CUL3: variants seen among roughly 807,000 people sequenced by gnomAD.
CUL3 encodes cullin 3.
CUL3 carries 19 observed loss-of-function variants against 89.1 expected under a neutral mutation model. The observed-to-expected ratio is 0.21, with a 90% CI of 0.15 to 0.31. The LOEUF (loss-of-function observed/expected upper bound fraction) is 0.31, where lower values mean the gene tolerates loss of function less well. Ranked by LOEUF, CUL3 falls within the 10% of genes least tolerant of loss-of-function variation. The pLI is 1.00. For missense variants in CUL3, 469 were observed against 942.3 expected (o/e 0.50, Z 6.58); for synonymous variants, 351 against 308.4 (o/e 1.14, Z -1.45).
At chr2:224,576,586 T>A (rs1389095854) in intron 1 of CUL3, among the ~76,000 whole-genome samples, 1 of 144,648 alleles carries the variant, frequency 6.9e-6, no homozygotes. Flanking sequence ...AATCATTCAC[T>A]AACCACTCAC....
chr2:224,549,878 G>GCA (rs925475521), intron 2 of CUL3, among the ~76,000 whole-genome samples: 25 of 150,638 alleles, frequency 1.7e-4, no homozygotes, highest in Non-Finnish European at 2.2e-4. Flanking sequence ...ACACACACAC[G>GCA]CACACACACA....
chr2:224,503,142 T>G, intron 9 of CUL3, 70 bp from the exon 10 acceptor site: 3 of 1,009,726 alleles, frequency 3.0e-6, no homozygotes, highest in South Asian at 1.4e-5. Flanking sequence ...CAGAAAGAAA[T>G]AAATTATTTC....
At chr2:224,483,270 C>T (rs535874210) in intron 13 of CUL3, among the ~76,000 whole-genome samples, 2 of 152,048 alleles carry the variant, frequency 1.3e-5, no homozygotes, top group East Asian at 3.9e-4. Flanking sequence ...ACCAGAAATA[C>T]CTTAGGTGGT....
At position 224,478,364 on chromosome 2, in the gene CUL3, C is replaced by T. The variant is rs1296031778; in HGVS notation, c.2030-19G>A. 1.9e-6 allele frequency: 3 copies of T among 1,592,392 alleles called. No homozygotes were observed. Among genetic ancestry groups the T allele is most frequent in the Non-Finnish European group, 2.6e-6 (3 of 1,172,348 alleles). Reference sequence around the variant, plus strand: ...GCAGCAACTAAAATAGAAATAAAGACATTTATCATAAATCTAATTTTAAAA... The same window carrying T: ...GCAGCAACTAAAATAGAAATAAAGATATTTATCATAAATCTAATTTTAAAA... On this transcript the variant is annotated intron_variant, in intron 14 of 15. Transcript: ENST00000264414.
At chr2:224,526,295 G>A (rs1209915208) in intron 3 of CUL3, among the ~76,000 whole-genome samples, 4 of 152,134 alleles carry the variant, frequency 2.6e-5, no homozygotes, top group African/African-American at 9.7e-5. Flanking sequence ...AAGATGTGAT[G>A]TATTTCCGGG....
chr2:224,541,334 A>G (rs915878153), intron 2 of CUL3, among the ~76,000 whole-genome samples: 1 of 152,210 alleles, frequency 6.6e-6, no homozygotes, highest in South Asian at 2.1e-4. Flanking sequence ...TTTGTACATG[A>G]ACAGATGTTC....
At chr2:224,507,557 A>G (rs1388896118) in intron 6 of CUL3, among the ~76,000 whole-genome samples, 2 of 152,198 alleles carry the variant, frequency 1.3e-5, no homozygotes, top group East Asian at 3.8e-4. Context: ...CACCTCAGGT[A>G]AAGTTTTTAT....
At chr2:224,501,833 C>T (rs2106192208) in intron 10 of CUL3, among the ~76,000 whole-genome samples, 1 of 152,036 alleles carries the variant, frequency 6.6e-6, no homozygotes, top group Non-Finnish European at 1.5e-5. Flanking sequence ...CCCAATCTTC[C>T]CTATAGCTTT....
At position 224,534,380 on chromosome 2, in the gene CUL3, T is replaced by C. The variant is rs78761202; in HGVS notation, c.378+1148A>G. ...TCCTTAAACAAGACTAGCTGCAATATTGCACTGCAATAATATACTATTAAG... is the reference window on the plus strand; with the variant it reads ...TCCTTAAACAAGACTAGCTGCAATACTGCACTGCAATAATATACTATTAAG... On this transcript the variant is annotated intron_variant, in intron 3 of 15. Coordinates refer to ENST00000264414, the MANE Select transcript of CUL3 (RefSeq NM_003590.5). 6.7e-3 allele frequency among the ~76,000 whole-genome samples: 1,027 copies of C among 152,308 alleles called. 9 individuals carry two copies. The highest frequency in any genetic ancestry group is 0.015 in the Admixed American group (230 of 15,290).
At chr2:224,575,717 G>C (rs1695283263) in intron 1 of CUL3, among the ~76,000 whole-genome samples, 1 of 152,090 alleles carries the variant, frequency 6.6e-6, no homozygotes, top group African/African-American at 2.4e-5. Flanking sequence ...TTGCAAAAGA[G>C]GGAACAGACA....
At chr2:224,487,190 T>C (rs1315064417) in intron 13 of CUL3, among the ~76,000 whole-genome samples, 1 of 152,112 alleles carries the variant, frequency 6.6e-6, no homozygotes, top group Non-Finnish European at 1.5e-5. Context: ...CTATTGACAC[T>C]ATGAAGAAAC....
chr2:224,513,939 C>A (rs1474306988), intron 4 of CUL3, among the ~76,000 whole-genome samples: 1 of 152,170 alleles, frequency 6.6e-6, no homozygotes, highest in Non-Finnish European at 1.5e-5. Flanking sequence ...GGGAGATAGG[C>A]AGATTAAGCT....
At chr2:224,556,808 AT>A (rs1694724210) in intron 2 of CUL3, among the ~76,000 whole-genome samples, 1 of 152,148 alleles carries the variant, frequency 6.6e-6, no homozygotes, top group Non-Finnish European at 1.5e-5. Context: ...TTCAGCAATA[AT>A]AATATTGGTA....
intron 10 of CUL3, among the ~76,000 whole-genome samples, chr2:224,501,251 T>C (rs1203379351): frequency 6.6e-6 from 1 of 152,238 alleles, no homozygotes; most frequent in African/African-American, 2.4e-5. Context: ...TTAAAACTTT[T>C]ACGTTTTAGC....
At position 224,511,424 on chromosome 2, in the gene CUL3, C is replaced by T. The variant is rs1692822064; in HGVS notation, c.813G>A (p.Lys271=). The T allele has an allele frequency of 6.2e-7, 1 of 1,613,756 alleles. No individual in the cohort carries two copies. The highest frequency in any genetic ancestry group is 8.5e-7 in the Non-Finnish European group (1 of 1,179,878). ...VKVVERELIS[K]HMKTIVEMEN... is the part of the protein sequence containing the mutation. ...CCATTTCTACTATAGTCTTCATGTGCTTGGAAATGAGTTCCCTTTCAACCA... is the reference window on the plus strand; with the variant it reads ...CCATTTCTACTATAGTCTTCATGTGTTTGGAAATGAGTTCCCTTTCAACCA... The change falls in exon 6 of 16, where the codon AAG becomes AAA. Residue 271 remains lysine (K), a synonymous_variant. Coordinates refer to ENST00000264414, the MANE Select transcript of CUL3 (RefSeq NM_003590.5).
rs1378157826 is a variant in CUL3, at chr2:224,497,716, T to G, written c.1707+37A>C. 4.0e-6 allele frequency: 6 copies of G among 1,501,148 alleles called. No individual in the cohort carries two copies. The African/African-American group carries it at 6.9e-5, about 17-fold the overall frequency. The allele number at this position is 1,501,148 out of a possible 1,614,324, so 93.0% of individuals were successfully genotyped here. ...ACACATCAGCTCTAATAGACTAACT[T>G]TAAGTTACTTAATACGTTCAAACTA... On this transcript the variant is annotated intron_variant, in intron 12 of 15. Coordinates refer to ENST00000264414, the MANE Select transcript of CUL3 (RefSeq NM_003590.5).
At chr2:224,581,643 T>C (rs548902947) in intron 1 of CUL3, among the ~76,000 whole-genome samples, 2 of 151,028 alleles carry the variant, frequency 1.3e-5, no homozygotes, top group African/African-American at 4.9e-5. Flanking sequence ...GCTGGAATTA[T>C]AGGCGTGTAT....
In CUL3 at chr2:224,474,510, C is replaced by T. The variant is rs535595443; in HGVS notation, c.2176-134G>A. 25 of 701,188 alleles carry T rather than the reference C, an allele frequency of 3.6e-5. 1 individual carries two copies. In the South Asian group the frequency reaches 5.4e-4, roughly 15 times the overall value. 43.4% of individuals were successfully genotyped at this position (701,188 alleles called of 1,614,324 possible). A position where few individuals can be genotyped will look rare whatever the true frequency, so the allele number is the denominator to read the frequency against. Reference sequence around the variant, plus strand: ...ATTACCAAAGATAAAAGCACAGAAACTTTAAAAAGGTTCTGTTTGAAAATG... The same window carrying T: ...ATTACCAAAGATAAAAGCACAGAAATTTTAAAAAGGTTCTGTTTGAAAATG... On this transcript the variant is annotated intron_variant, in intron 15 of 15. Transcript: ENST00000264414.
At chr2:224,582,398 A>G (rs1312629064) in intron 1 of CUL3, among the ~76,000 whole-genome samples, 1 of 152,260 alleles carries the variant, frequency 6.6e-6, no homozygotes, top group African/African-American at 2.4e-5. Context: ...GGTTAGTAAG[A>G]TAAATCTATG....
Sources: gnomAD v4.1 joint callset for allele counts (sites outside exome capture counted in the v4.1 genomes callset) on GRCh38, gnomAD v4.1.1 for gene constraint, MANE v1.5 for transcripts, NCBI Gene and HGNC (gene_info 2026-07-23, HGNC 2026-07-21) for gene names.